ANKRD50: variants seen among roughly 807,000 people sequenced by gnomAD.
ANKRD50 encodes the protein ankyrin repeat domain 50.
Under a neutral mutation model 112.0 loss-of-function variants are expected in ANKRD50, and 40 were observed. That is an observed-to-expected ratio of 0.36 (90% CI 0.28 to 0.46). The LOEUF (loss-of-function observed/expected upper bound fraction) is 0.46. Among genes scored for constraint, ANKRD50 ranks in the 20% least tolerant of loss-of-function variants. ANKRD50 has a pLI of 1.00. For synonymous variants in ANKRD50, 613 were observed against 619.1 expected, an observed-to-expected ratio of 0.99 and a Z score of 0.15; for missense variants, 1,487 against 1,701.7, an observed-to-expected ratio of 0.87 and a Z score of 2.22.
intron 2 of ANKRD50, among the ~76,000 whole-genome samples, chr4:124,686,950 T>C (rs1402569640): frequency 1.3e-5 from 2 of 152,134 alleles, no homozygotes; most frequent in Non-Finnish European, 2.9e-5. Context: ...AAACAAAAAC[T>C]AGGCCCATTT....
At chr4:124,708,715 CACACAT>C (rs1275918617) in intron 2 of ANKRD50, among the ~76,000 whole-genome samples, 14 of 147,888 alleles carry the variant, frequency 9.5e-5, no homozygotes, top group South Asian at 2.1e-4. Flanking sequence ...CACACACACA[CACACAT>C]ACACACACAC....
At chr4:124,705,732 G>T (rs1232869198) in intron 2 of ANKRD50, among the ~76,000 whole-genome samples, 4 of 152,084 alleles carry the variant, frequency 2.6e-5, no homozygotes, top group African/African-American at 9.7e-5. Context: ...ATTGGAATTT[G>T]TTTTATAATT....
chr4:124,687,263 TTTTG>T lies in ANKRD50; in HGVS notation c.513-8362_513-8359del, dbSNP rs572476882. ...ATTGAGAAAGGCAGGTTTTTTGTTT[TTTTG>T]TTTTTGTTTTTGTTTTTTTTCCAAC... On this transcript the variant is annotated intron_variant, in intron 2 of 4. Coordinates refer to ENST00000504087, the MANE Select transcript of ANKRD50 (RefSeq NM_020337.3). 3.7e-3 allele frequency among the ~76,000 whole-genome samples: 563 copies of T among 151,930 alleles called. 2 individuals carry two copies. Among genetic ancestry groups the T allele is most frequent in the Non-Finnish European group, 6.5e-3 (441 of 67,980 alleles).
At chr4:124,712,128 G>T (rs950804408) in intron 1 of ANKRD50, among the ~76,000 whole-genome samples, 1 of 152,126 alleles carries the variant, frequency 6.6e-6, no homozygotes, top group South Asian at 2.1e-4. Context: ...CCACACCGAG[G>T]TCTGCCCTTC....
At position 124,671,966 on chromosome 4, in the gene ANKRD50, A is replaced by G; in HGVS notation, c.1311T>C (p.Ala437=). The G allele has an allele frequency of 2.5e-6, 4 of 1,613,952 alleles. No individual in the cohort carries two copies. The highest frequency in any genetic ancestry group is 3.4e-6 in the Non-Finnish European group (4 of 1,179,884). The change falls in exon 4 of 5, where the codon GCT becomes GCC. Residue 437 remains alanine (A), a synonymous_variant. Transcript: ENST00000504087. ...TCTTGGCTTGACAGGTATAACTCAT[A>G]GCCAACATTCTGTGTCCTTCTGCTG... is the stretch of plus-strand genomic sequence containing the variant. The part of the protein sequence containing the change: ...CNAAEGHRML[A]MSYTCQAKNL...
At chr4:124,702,453 C>G (rs1241184501) in intron 2 of ANKRD50, among the ~76,000 whole-genome samples, 1 of 152,146 alleles carries the variant, frequency 6.6e-6, no homozygotes, top group Non-Finnish European at 1.5e-5. Flanking sequence ...GACAGTGCTT[C>G]TCAAAGTACT....
intron 2 of ANKRD50, among the ~76,000 whole-genome samples, chr4:124,699,110 T>C (rs1725325684): frequency 1.3e-5 from 2 of 152,264 alleles, no homozygotes; most frequent in African/African-American, 4.8e-5. Flanking sequence ...TTTACTTTTA[T>C]AAAAAGTAAA....
At position 124,669,657 on chromosome 4, in the gene ANKRD50, T is replaced by C. The variant is rs1730582966; in HGVS notation, c.3620A>G (p.Asp1207Gly). 2.5e-6 allele frequency: 4 copies of C among 1,613,296 alleles called. No homozygotes were observed. In the East Asian group the frequency reaches 8.9e-5, roughly 36 times the overall value. ...TGTAAATGACAAGTTATGAAAGCTA[T>C]CAATTGGCACTGTTTGAGCCGTTGC... ...STATAQTVPIDSFHNLSFTEQ... is the reference protein window; with the variant it reads ...STATAQTVPIGSFHNLSFTEQ... The change falls in exon 4 of 5, where the codon GAT becomes GGT. Residue 1207 changes from aspartate (D) to glycine (G), a missense_variant. This residue lies in a region of ANKRD50 where 441 missense variants were observed against 432.2 expected (regional missense o/e 1.02). Transcript: ENST00000504087.
intron 2 of ANKRD50, among the ~76,000 whole-genome samples, chr4:124,680,988 G>T (rs1030213128): frequency 2.0e-5 from 3 of 152,132 alleles, no homozygotes; most frequent in Admixed American, 1.3e-4. Context: ...TGTGGGCTTT[G>T]CTCTAAGGGT....
Position 124,670,249 on chromosome 4 carries a change from T to C in ANKRD50, c.3028A>G (p.Asn1010Asp), listed in dbSNP as rs1254173912. 1 of 1,613,848 alleles carries C rather than the reference T, an allele frequency of 6.2e-7. No individual in the cohort carries two copies. The highest frequency in any genetic ancestry group is 8.5e-7 in the Non-Finnish European group (1 of 1,179,882). The change falls in exon 4 of 5, where the codon AAT (asparagine) becomes GAT (aspartate). Residue 1010 changes from asparagine to aspartate, a missense_variant. Transcript: ENST00000504087. ...GACTGCAAAGCAGAGCGCTTTTCAT[T>C]GTCTGCAGCATTGACGTCAGCATGG... is the stretch of plus-strand genomic sequence containing the variant. Reference protein sequence around the residue: ...AYHADVNAADNEKRSALQSAA... With the variant: ...AYHADVNAADDEKRSALQSAA...
chr4:124,673,516 GGCAGCAGTTGCAGCA>G (rs1357011647), intron 3 of ANKRD50, among the ~76,000 whole-genome samples: 1 of 151,926 alleles, frequency 6.6e-6, no homozygotes, highest in African/African-American at 2.4e-5. Flanking sequence ...CCATGGTGGT[GGCAGCAGTTGCAGCA>G]GCAGCAGCAG....
At chr4:124,693,410 T>C (rs1379777515) in intron 2 of ANKRD50, among the ~76,000 whole-genome samples, 2 of 152,138 alleles carry the variant, frequency 1.3e-5, no homozygotes, top group Admixed American at 1.3e-4. Flanking sequence ...CTTGAAATGA[T>C]TTTTCTGAAA....
At chr4:124,682,029 T>C (rs1189278496) in intron 2 of ANKRD50, among the ~76,000 whole-genome samples, 8 of 152,108 alleles carry the variant, frequency 5.3e-5, no homozygotes, top group Non-Finnish European at 1.2e-4. Context: ...GCCCAGAGTA[T>C]ATCTATCCTA....
Position 124,671,384 on chromosome 4 carries a change from A to C in ANKRD50, c.1893T>G (p.Leu631=), listed in dbSNP as rs367977545. Residue 631 remains leucine, a synonymous_variant, in exon 4 of 5, where the codon CTT becomes CTG. Transcript: ENST00000504087. ...CACAATCCACTTTTACGCCAGCATA[A>C]AGTAGTGCAGAAACTACCTCAGTAT... The part of the protein sequence containing the change: ...GGHTEVVSAL[L]YAGVKVDCAD... 2 of 1,613,828 alleles carry C rather than the reference A, an allele frequency of 1.2e-6. No homozygotes were observed. The highest frequency in any genetic ancestry group is 2.7e-5 in the African/African-American group (2 of 74,996).
intron 2 of ANKRD50, among the ~76,000 whole-genome samples, chr4:124,705,121 A>C (rs1236756739): frequency 6.6e-6 from 1 of 152,092 alleles, no homozygotes; most frequent in African/African-American, 2.4e-5. Context: ...AACAAACAAA[A>C]AAACTGCAAC....
intron 3 of ANKRD50, among the ~76,000 whole-genome samples, chr4:124,673,374 T>C (rs995609694): frequency 6.6e-6 from 1 of 152,062 alleles, no homozygotes; most frequent in Admixed American, 6.6e-5. Flanking sequence ...GTCTCTAACA[T>C]GACCAGATTT....
chr4:124,701,078 C>G (rs1725378509), intron 2 of ANKRD50, among the ~76,000 whole-genome samples: 1 of 152,184 alleles, frequency 6.6e-6, no homozygotes, highest in South Asian at 2.1e-4. Context: ...ATTCTCCTGC[C>G]TCAGCCTCCC....
chr4:124,682,047 C>T (rs1724900363), intron 2 of ANKRD50, among the ~76,000 whole-genome samples: 1 of 152,080 alleles, frequency 6.6e-6, no homozygotes, highest in Non-Finnish European at 1.5e-5. Context: ...CTAGCAAATG[C>T]TGTGTATGCA....
Position 124,672,106 on chromosome 4 carries a change from T to C in ANKRD50, c.1171A>G (p.Ile391Val), listed in dbSNP as rs145437766. ...CCATCAACAAGAAGTTTGGAGAGGATATCTAACTTGCGTTGAAAATCTTCC... is the reference window on the plus strand; with the variant it reads ...CCATCAACAAGAAGTTTGGAGAGGACATCTAACTTGCGTTGAAAATCTTCC... ...TLEDFQRKLD[I>V]LSKLLVDGLG... The change falls in exon 4 of 5, where the codon ATC (isoleucine) becomes GTC (valine). Residue 391 changes from isoleucine to valine, a missense_variant. By Grantham distance (29) the Ile-to-Val change is conservative. Coordinates refer to ENST00000504087, the MANE Select transcript of ANKRD50 (RefSeq NM_020337.3). 963 of 1,613,924 alleles carry C rather than the reference T, an allele frequency of 6.0e-4. 2 individuals carry two copies. The African/African-American group carries it at 0.011, about 19-fold the overall frequency.
Sources: gnomAD v4.1 joint callset for allele counts (sites outside exome capture counted in the v4.1 genomes callset) on GRCh38, gnomAD v4.1.1 for gene constraint, gnomAD v4.1.1 regional missense constraint, MANE v1.5 for transcripts, NCBI Gene and HGNC (gene_info 2026-07-23, HGNC 2026-07-21) for gene names.